Variants in APBA2 observed in about 807,000 individuals in gnomAD.
APBA2 encodes the protein amyloid-beta A4 precursor protein-binding family A member 2.
A neutral mutation model predicts 75.0 loss-of-function variants in APBA2; 30 were observed. That is an observed-to-expected ratio of 0.40 (90% confidence interval 0.30 to 0.54). The LOEUF (loss-of-function observed/expected upper bound fraction) is 0.54. Among genes scored for constraint, APBA2 ranks in the 20% least tolerant of loss-of-function variants. The pLI, the probability that APBA2 is intolerant of heterozygous loss-of-function variation, is 0.49. For missense variants in APBA2, 801 were observed against 1,016.1 expected, an observed-to-expected ratio of 0.79 and a Z score of 2.88; for synonymous variants, 444 against 409.6, an observed-to-expected ratio of 1.08 and a Z score of -1.01.
At chr15:28,947,909 CTTAT>C (rs1476834852) in intron 2 of APBA2, among the ~76,000 whole-genome samples, 3 of 152,188 alleles carry the variant, frequency 2.0e-5, no homozygotes, top group Non-Finnish European at 4.4e-5. Context: ...TGTCAGGCAA[CTTAT>C]TTATAAATAA....
intron 2 of APBA2, among the ~76,000 whole-genome samples, chr15:28,979,762 G>GA (rs2037527032): frequency 6.6e-6 from 1 of 152,148 alleles, no homozygotes; most frequent in African/African-American, 2.4e-5. Flanking sequence ...CGTAGGTTTG[G>GA]CCTAGGCTGA....
chr15:28,900,310 G>A (rs973966207), intron 1 of APBA2, among the ~76,000 whole-genome samples: 11 of 152,196 alleles, frequency 7.2e-5, no homozygotes, highest in Admixed American at 4.6e-4. Context: ...GCTGGGCACC[G>A]TGCATCAGCG....
Position 29,113,995 on chromosome 15 carries a change from T to A in APBA2, c.2157T>A (p.Ala719=). ...CAGCCCACGAGAAGATAGTCCAAGC[T>A]CTGTCCAACTCGGTCGGAGAGGTAA... is the stretch of plus-strand genomic sequence containing the variant. ...VATAHEKIVQ[A]LSNSVGEIHM... is the part of the protein sequence containing the mutation. Residue 719 remains alanine (A), a synonymous_variant, in exon 14 of 15, where the codon GCT becomes GCA. Coordinates refer to ENST00000683413, the MANE Select transcript of APBA2 (RefSeq NM_001353788.2). The A allele has an allele frequency of 6.2e-7, 1 of 1,613,826 alleles. No individual in the cohort carries two copies. Among genetic ancestry groups the A allele is most frequent in the Non-Finnish European group, 8.5e-7 (1 of 1,180,032 alleles).
chr15:29,009,972 A>C (rs561061457), intron 3 of APBA2, among the ~76,000 whole-genome samples: 1 of 152,170 alleles, frequency 6.6e-6, no homozygotes, highest in Non-Finnish European at 1.5e-5. Flanking sequence ...TTTAGTGAAC[A>C]CTGCCAGTCC....
At chr15:28,988,491 T>A (rs959873487) in intron 2 of APBA2, among the ~76,000 whole-genome samples, 1 of 152,202 alleles carries the variant, frequency 6.6e-6, no homozygotes, top group East Asian at 1.9e-4. Context: ...CTCGAACTCC[T>A]GGCCTCAAGT....
chr15:29,069,148 A>T (rs1398694243), intron 4 of APBA2, among the ~76,000 whole-genome samples: 1 of 152,080 alleles, frequency 6.6e-6, no homozygotes, highest in African/African-American at 2.4e-5. Flanking sequence ...TTTCATCATC[A>T]TGTTTTCAGG....
Position 29,014,958 on chromosome 15 carries a change from C to T in APBA2, c.-41+19152C>T, listed in dbSNP as rs182999330. On this transcript the variant is annotated intron_variant, in intron 3 of 14. Coordinates refer to ENST00000683413, the MANE Select transcript of APBA2 (RefSeq NM_001353788.2). ...ATTTCCTTCAAAATCACCTTGAAGG[C>T]GACTCCATTTCTGTATTGCCCAAAT... Among the ~76,000 whole-genome samples, 20 of 152,218 alleles carry T rather than the reference C, an allele frequency of 1.3e-4. No individual in the cohort carries two copies. The East Asian group carries it at 1.5e-3, about 12-fold the overall frequency.
intron 2 of APBA2, among the ~76,000 whole-genome samples, chr15:28,934,946 C>T (rs1045053502): frequency 2.0e-5 from 3 of 152,204 alleles, no homozygotes; most frequent in Admixed American, 2.0e-4. Context: ...GTTGTACTGA[C>T]ACGCTGCGTG....
intron 6 of APBA2, among the ~76,000 whole-genome samples, chr15:29,089,148 C>T (rs538719738): frequency 4.6e-5 from 7 of 152,206 alleles, no homozygotes; most frequent in Middle Eastern, 6.3e-3. Flanking sequence ...TGATGTCAGC[C>T]TCACTGTGTA....
chr15:28,988,686 G>T (rs1038477126), intron 2 of APBA2, among the ~76,000 whole-genome samples: 2 of 152,172 alleles, frequency 1.3e-5, no homozygotes, highest in African/African-American at 4.8e-5. Flanking sequence ...ACTATTTGTC[G>T]TTCTCCATTG....
At chr15:29,088,212 C>T (rs1413362760) in intron 6 of APBA2, among the ~76,000 whole-genome samples, 1 of 151,214 alleles carries the variant, frequency 6.6e-6, no homozygotes, top group East Asian at 2.0e-4. Context: ...CTTTCTAAGC[C>T]CCTTCTTTTC....
Position 28,969,054 on chromosome 15 carries a change from G to A in APBA2, c.-94-26699G>A, listed in dbSNP as rs147253242. 2.6e-3 allele frequency among the ~76,000 whole-genome samples: 388 copies of A among 152,088 alleles called. 2 individuals are homozygous for A. Among genetic ancestry groups the A allele is most frequent in the African/African-American group, 8.8e-3 (367 of 41,518 alleles). ...CGGAAGTCAAGGCAGGAGGATCATC[G>A]GAGCTCAGGAGTTAGAGATCAGTCT... On this transcript the variant is annotated intron_variant, in intron 2 of 14. Transcript: ENST00000683413.
chr15:29,003,320 A>G (rs2038947856), intron 3 of APBA2, among the ~76,000 whole-genome samples: 1 of 152,190 alleles, frequency 6.6e-6, no homozygotes, highest in Admixed American at 6.5e-5. Context: ...AAGATGAGTC[A>G]AATCTACCCT....
chr15:29,062,005 G>C (rs537672142), intron 4 of APBA2, among the ~76,000 whole-genome samples: 1 of 152,278 alleles, frequency 6.6e-6, no homozygotes, highest in East Asian at 1.9e-4. Context: ...GCCCAGGAGG[G>C]AGTGGTCTGG....
chr15:28,899,674 G>T (rs540441105), intron 1 of APBA2, among the ~76,000 whole-genome samples: 3 of 152,324 alleles, frequency 2.0e-5, no homozygotes, highest in Admixed American at 2.0e-4. Context: ...CTGGACACGC[G>T]TGCAGGCCTG....
chr15:29,057,115 T>G (rs1159005911), intron 4 of APBA2, among the ~76,000 whole-genome samples: 1 of 152,082 alleles, frequency 6.6e-6, no homozygotes, highest in Non-Finnish European at 1.5e-5. Context: ...CATAGTGTAG[T>G]GATCCCTATG....
intron 2 of APBA2, among the ~76,000 whole-genome samples, chr15:28,949,828 C>A (rs2035755246): frequency 6.6e-6 from 1 of 152,160 alleles, no homozygotes; most frequent in Non-Finnish European, 1.5e-5. Context: ...AAAAAAGTTG[C>A]AAAGACTGCA....
At chr15:29,023,925 AT>A (rs2040085702) in intron 3 of APBA2, among the ~76,000 whole-genome samples, 1 of 143,346 alleles carries the variant, frequency 7.0e-6, no homozygotes, top group Admixed American at 7.1e-5. Context: ...TTTTTTTGAG[AT>A]ACAGTCTCGC....
intron 1 of APBA2, among the ~76,000 whole-genome samples, chr15:28,905,360 A>G (rs1251351498): frequency 3.9e-5 from 6 of 152,242 alleles, no homozygotes; most frequent in Non-Finnish European, 7.3e-5. Context: ...TTTCGGAAGA[A>G]CGGACTTGAC....
Sources: allele counts gnomAD v4.1 joint callset (sites outside exome capture counted in the v4.1 genomes callset), GRCh38; gene constraint gnomAD v4.1.1; transcripts MANE v1.5; gene names NCBI Gene and HGNC (gene_info 2026-07-23, HGNC 2026-07-21).